Variants in LRIG1 observed in about 807,000 individuals in gnomAD.
The protein encoded by LRIG1 is leucine-rich repeats and immunoglobulin-like domains protein 1.
In LRIG1, 48 loss-of-function variants were observed where a neutral mutation model predicts 99.2. The observed-to-expected ratio is 0.48, with a 90% confidence interval of 0.38 to 0.62. The LOEUF (loss-of-function observed/expected upper bound fraction) is 0.62, where lower values mean the gene tolerates loss of function less well. Among genes scored for constraint, LRIG1 ranks in the 20% least tolerant of loss-of-function variants. The pLI is 0.00. For missense variants in LRIG1, 1,646 were observed against 1,434.4 expected (o/e 1.15, Z -2.38); for synonymous variants, 772 against 596.1 (o/e 1.29, Z -4.30).
intron 8 of LRIG1, chr3:66,406,330 T>C: frequency 2.0e-6 from 2 of 985,654 alleles, no homozygotes; most frequent in Non-Finnish European, 2.4e-6. Context: ...CCTGTCTCTC[T>C]GCTCCTAGCC....
At chr3:66,430,086 A>G (rs1703118710) in intron 3 of LRIG1, among the ~76,000 whole-genome samples, 1 of 152,218 alleles carries the variant, frequency 6.6e-6, no homozygotes, top group Non-Finnish European at 1.5e-5. Flanking sequence ...TGTTGAATAA[A>G]CAAACAAATT....
chr3:66,393,553 T>G (rs536661792), intron 12 of LRIG1, among the ~76,000 whole-genome samples: 1 of 152,226 alleles, frequency 6.6e-6, no homozygotes, highest in African/African-American at 2.4e-5. Context: ...AAGCTGCAAG[T>G]GCAGATTTCA....
chr3:66,383,533 CT>C, intron 14 of LRIG1, 132 bp from the exon 15 acceptor site: 1 of 841,776 alleles, frequency 1.2e-6, no homozygotes. Flanking sequence ...GAGTGGCAAG[CT>C]TTGGAGAAGA....
intron 9 of LRIG1, among the ~76,000 whole-genome samples, chr3:66,399,947 G>GT (rs759888838): frequency 5.3e-5 from 8 of 152,230 alleles, no homozygotes; most frequent in East Asian, 1.9e-4. Flanking sequence ...GGTGAGCTGT[G>GT]TCCCTGCCTA....
At chr3:66,494,119 A>G (rs1701175785) in intron 1 of LRIG1, among the ~76,000 whole-genome samples, 1 of 152,196 alleles carries the variant, frequency 6.6e-6, no homozygotes, top group Admixed American at 6.5e-5. Context: ...ATTGTGCTCC[A>G]GAATCATCAT....
intron 3 of LRIG1, among the ~76,000 whole-genome samples, chr3:66,423,937 T>C (rs1037883159): frequency 6.6e-6 from 1 of 152,166 alleles, no homozygotes; most frequent in African/African-American, 2.4e-5. Context: ...AGGCTAAGGA[T>C]CTAGTCTGTA....
chr3:66,404,207 A>G, intron 9 of LRIG1: 1 of 1,271,220 alleles, frequency 7.9e-7, no homozygotes, highest in East Asian at 5.6e-5. Context: ...AATCAGAAGC[A>G]TCTACTATAT....
rs189073243 is a variant in LRIG1, at chr3:66,410,239, G to A, written c.825C>T (p.Asn275=). ...CCGTGAGGCCGTAGAGCGAGCCGCTGTTCACTTCTACCAGGCTGTTGTACT... is the reference window on the plus strand; with the variant it reads ...CCGTGAGGCCGTAGAGCGAGCCGCTATTCACTTCTACCAGGCTGTTGTACT... ...HLEYNSLVEV[N]SGSLYGLTAL... is the part of the protein sequence containing the mutation. The change falls in exon 7 of 19, where the codon AAC becomes AAT. Residue 275 remains asparagine (N), a synonymous_variant. Transcript: ENST00000273261. The A allele has an allele frequency of 2.3e-5, 37 of 1,613,278 alleles. No homozygotes were observed. In the African/African-American group the frequency reaches 4.9e-4, roughly 22 times the overall value.
rs1575740882 is a variant in LRIG1, at chr3:66,500,186, T to G, written c.218+4A>C. On this transcript the variant is annotated splice_donor_region_variant and intron_variant, in intron 1 of 18. Transcript: ENST00000273261. Reference sequence around the variant, plus strand: ...GCAGAGAGGGCGGAAAGGGCGGCACTCACAGGCTCCGCGTCCAGGAGGGCA... The same window carrying G: ...GCAGAGAGGGCGGAAAGGGCGGCACGCACAGGCTCCGCGTCCAGGAGGGCA... 1 of 1,514,940 alleles carries G rather than the reference T, an allele frequency of 6.6e-7. No homozygotes were observed. The allele number at this position is 1,514,940 out of a possible 1,614,324, so 93.8% of individuals were successfully genotyped here.
At chr3:66,472,388 G>A (rs1419994006) in intron 1 of LRIG1, among the ~76,000 whole-genome samples, 3 of 147,778 alleles carry the variant, frequency 2.0e-5, no homozygotes, top group African/African-American at 7.5e-5. Flanking sequence ...AAGCTTCTTC[G>A]ACTGCCATGT....
chr3:66,394,534 T>G (rs1176636378), intron 11 of LRIG1, among the ~76,000 whole-genome samples: 1 of 152,206 alleles, frequency 6.6e-6, no homozygotes, highest in African/African-American at 2.4e-5. Context: ...CATGCCATGT[T>G]CTGGGACAGA....
At chr3:66,413,219 C>T (rs1001412576) in intron 5 of LRIG1, among the ~76,000 whole-genome samples, 2 of 152,202 alleles carry the variant, frequency 1.3e-5, no homozygotes, top group East Asian at 1.9e-4. Flanking sequence ...ACACCTAGTG[C>T]AGGCAAGAGG....
At chr3:66,420,116 C>A (rs553794953) in intron 3 of LRIG1, among the ~76,000 whole-genome samples, 1 of 152,148 alleles carries the variant, frequency 6.6e-6, no homozygotes, top group Non-Finnish European at 1.5e-5. Flanking sequence ...AAACAACCAA[C>A]CTGATTTTTA....
chr3:66,409,732 A>G (rs1036218025), intron 7 of LRIG1: 1 of 161,040 alleles, frequency 6.2e-6, no homozygotes, highest in Admixed American at 6.2e-5. Context: ...GAAGAAGCAC[A>G]TGCTATTTGG....
At chr3:66,481,462 G>A (rs563498848) in intron 1 of LRIG1, among the ~76,000 whole-genome samples, 1 of 152,238 alleles carries the variant, frequency 6.6e-6, no homozygotes, top group South Asian at 2.1e-4. Flanking sequence ...CCTAGGGTGG[G>A]GGGAACCACC....
intron 3 of LRIG1, among the ~76,000 whole-genome samples, chr3:66,443,184 G>T (rs1047801219): frequency 6.6e-6 from 1 of 151,940 alleles, no homozygotes; most frequent in Admixed American, 6.5e-5. Context: ...CTATTTTGAG[G>T]CTCCTTGGTG....
In LRIG1 at chr3:66,380,590, A is replaced by AGATGCCC. The variant is rs749937646; in HGVS notation, c.3041_3042insGGGCATC (p.Leu1015GlyfsTer55). ...GTCAAAAGTTACCTTTCCCATCTAG[A>AGATGCCC]GATGCCATTGGCTTTTTCTTCACAG... On this transcript the variant is annotated frameshift_variant, in exon 18 of 19. Transcript: ENST00000273261. LOFTEE classifies it low-confidence loss of function (END_TRUNC). 1 of 1,613,830 alleles carries AGATGCCC rather than the reference A, an allele frequency of 6.2e-7. No individual in the cohort carries two copies. Among genetic ancestry groups the AGATGCCC allele is most frequent in the Admixed American group, 1.7e-5 (1 of 60,022 alleles).
In LRIG1 at chr3:66,444,511, C is replaced by T. The variant is rs192193436; in HGVS notation, c.365+7048G>A. On this transcript the variant is annotated intron_variant, in intron 3 of 18. Transcript: ENST00000273261. ...AAGGCCTAAACAGCTTGGTCAGAAC[C>T]GACACATGAGCCTTGGGGCTCCCCC... is the stretch of plus-strand genomic sequence containing the variant. Among the ~76,000 whole-genome samples the T allele has an allele frequency of 7.2e-5, 11 of 152,332 alleles. No individual in the cohort carries two copies. The East Asian group carries it at 1.2e-3, about 16-fold the overall frequency.
Position 66,380,582 on chromosome 3 carries a change from C to CCATCTAGAGATGCCATTGGCTTTTTCTT in LRIG1, c.3022_3049dup (p.Gly1017GlufsTer60). 6.2e-7 allele frequency: 1 copy of CCATCTAGAGATGCCATTGGCTTTTTCTT among 1,613,544 alleles called. No homozygotes were observed. Among genetic ancestry groups the CCATCTAGAGATGCCATTGGCTTTTTCTT allele is most frequent in the Non-Finnish European group, 8.5e-7 (1 of 1,179,500 alleles). On this transcript the variant is annotated frameshift_variant, in exon 18 of 19. Coordinates refer to ENST00000273261, the MANE Select transcript of LRIG1 (RefSeq NM_015541.3). LOFTEE classifies it low-confidence loss of function (END_TRUNC). ...AGAAGACAGTCAAAAGTTACCTTTC[C>CCATCTAGAGATGCCATTGGCTTTTTCTT]CATCTAGAGATGCCATTGGCTTTTT...
Sources: allele counts gnomAD v4.1 joint callset (sites outside exome capture counted in the v4.1 genomes callset), GRCh38; gene constraint gnomAD v4.1.1; transcripts MANE v1.5; gene names NCBI Gene and HGNC (gene_info 2026-07-23, HGNC 2026-07-21).